AZIN2: variants seen among roughly 807,000 people sequenced by gnomAD.
AZIN2 encodes ODC antizyme inhibitor-2.
Under a neutral mutation model 47.8 loss-of-function variants are expected in AZIN2, and 28 were observed. The observed-to-expected ratio is 0.59, with a 90% CI of 0.43 to 0.80. The LOEUF (loss-of-function observed/expected upper bound fraction) is 0.80, where lower values mean the gene tolerates loss of function less well. Among genes scored for constraint, AZIN2 ranks in the 30% least tolerant of loss-of-function variants. The pLI, the probability that AZIN2 is intolerant of heterozygous loss-of-function variation, is 0.00. For missense variants in AZIN2, 535 were observed against 582.5 expected, an observed-to-expected ratio of 0.92 and a Z score of 0.84; for synonymous variants, 221 against 239.4, an observed-to-expected ratio of 0.92 and a Z score of 0.71.
chr1:33,095,252 C>A (rs1311672711), intron 8 of AZIN2, among the ~76,000 whole-genome samples: 1 of 152,196 alleles, frequency 6.6e-6, no homozygotes, highest in Non-Finnish European at 1.5e-5. Context: ...ATTGACCTTA[C>A]AGAAATGATT....
the AZIN2 span, chr1:33,147,850 C>T: frequency 3.6e-6 from 4 of 1,099,290 alleles, no homozygotes; most frequent in Non-Finnish European, 5.1e-6. The surrounding 1 kb of genome is among the most constrained non-coding windows in gnomAD (Gnocchi z 8.1). Context: ...GCTGTGTGAC[C>T]TTGAATACAA....
intron 5 of AZIN2, among the ~76,000 whole-genome samples, chr1:33,090,602 A>G (rs1642423679): frequency 6.6e-6 from 1 of 152,178 alleles, no homozygotes; most frequent in Non-Finnish European, 1.5e-5. Context: ...AAAATTGTAT[A>G]TATTTATGGT....
chr1:33,158,077 T>C, the AZIN2 span, among the ~76,000 whole-genome samples: 1 of 152,134 alleles, frequency 6.6e-6, no homozygotes, highest in South Asian at 2.1e-4. Context: ...GTTATGAAGG[T>C]CCACTGAGCT....
At chr1:33,090,633 A>T (rs1057006643) in intron 5 of AZIN2, among the ~76,000 whole-genome samples, 13 of 152,220 alleles carry the variant, frequency 8.5e-5, no homozygotes, top group African/African-American at 3.1e-4. Flanking sequence ...ATGTTTTGAT[A>T]TATGTATACG....
the AZIN2 span, chr1:33,147,089 T>A: frequency 1.4e-5 from 21 of 1,465,128 alleles, no homozygotes; most frequent in Non-Finnish European, 1.9e-5. The surrounding 1 kb of genome is among the most constrained non-coding windows in gnomAD (Gnocchi z 8.1). Context: ...GTGGCCACGG[T>A]GGGCTGGAGT....
At chr1:33,144,803 C>T in the AZIN2 span, among the ~76,000 whole-genome samples, 1 of 152,074 alleles carries the variant, frequency 6.6e-6, no homozygotes. Flanking sequence ...CCCGTCACAG[C>T]CCATAAGGAG....
At chr1:33,084,190 T>A in intron 5 of AZIN2, 63 bp downstream of exon 5, 1 of 1,586,802 alleles carries the variant, frequency 6.3e-7, no homozygotes, top group South Asian at 1.1e-5. Context: ...ATGGCCAGGC[T>A]AGTCCAGGTG....
At chr1:33,091,982 T>C in intron 5 of AZIN2, 68 bp from the exon 6 acceptor site, 2 of 1,558,274 alleles carry the variant, frequency 1.3e-6, no homozygotes, top group Non-Finnish European at 1.7e-6. Flanking sequence ...CCCTCATCTG[T>C]GCTTCCTTGG....
At chr1:33,116,442 A>G (rs1008082511) in intron 10 of AZIN2, among the ~76,000 whole-genome samples, 2 of 152,022 alleles carry the variant, frequency 1.3e-5, no homozygotes, top group East Asian at 1.9e-4. Context: ...GCTTCCATCT[A>G]TGCCCTTTGG....
the AZIN2 span, among the ~76,000 whole-genome samples, chr1:33,134,543 T>C: frequency 1.3e-5 from 2 of 152,240 alleles, no homozygotes; most frequent in East Asian, 3.9e-4. Context: ...AAGACAGAGC[T>C]AGGACCACCA....
the AZIN2 span, among the ~76,000 whole-genome samples, chr1:33,137,453 A>G: frequency 6.6e-6 from 1 of 152,232 alleles, no homozygotes; most frequent in African/African-American, 2.4e-5. Context: ...TCAACTAATC[A>G]TGAGGCGTAC....
the AZIN2 span, among the ~76,000 whole-genome samples, chr1:33,143,744 A>C: frequency 2.0e-5 from 3 of 152,226 alleles, no homozygotes; most frequent in Admixed American, 6.5e-5. Context: ...ATGACTTAAC[A>C]GAAAGCCAAC....
chr1:33,120,172 G>C lies in AZIN2; in HGVS notation c.1373G>C (p.Ser458Thr), dbSNP rs776120316. ...GTGGGCCCTGTCTTCACCCCAGCGA[G>C]CATCATGTGAGTGGGCCTCGTTCCC... ...LCVGPVFTPASIM is the reference protein window; with the variant it reads ...LCVGPVFTPATIM The change falls in exon 12 of 12, where the codon AGC (serine) becomes ACC (threonine). Residue 458 changes from serine (S) to threonine (T), a missense_variant. By Grantham distance (58) the Ser-to-Thr change is moderately conservative. Transcript: ENST00000294517. The C allele has an allele frequency of 2.7e-5, 44 of 1,605,736 alleles. No homozygotes were observed. Among genetic ancestry groups the C allele is most frequent in the Non-Finnish European group, 3.3e-5 (39 of 1,173,460 alleles).
intron 5 of AZIN2, among the ~76,000 whole-genome samples, chr1:33,085,103 G>T (rs1641738275): frequency 1.3e-5 from 2 of 151,954 alleles, no homozygotes; most frequent in Admixed American, 6.6e-5. Context: ...AGAGCTGAAA[G>T]TATCTCATTT....
At chr1:33,159,731 C>G in the AZIN2 span, 6 of 1,612,102 alleles carry the variant, frequency 3.7e-6, no homozygotes, top group Non-Finnish European at 5.1e-6. The surrounding 1 kb of genome is among the most constrained non-coding windows in gnomAD (Gnocchi z 4.2). Context: ...GTGTGCCGGT[C>G]GGTTTCAGCC....
the AZIN2 span, among the ~76,000 whole-genome samples, chr1:33,138,640 A>AG: frequency 6.7e-3 from 996 of 149,494 alleles, 10 homozygotes; most frequent in African/African-American, 0.02. Context: ...AAAAAAAAAA[A>AG]AAAAAGAAAA....
chr1:33,145,780 C>T, the AZIN2 span: 1 of 452,472 alleles, frequency 2.2e-6, no homozygotes, highest in Non-Finnish European at 4.6e-6. Context: ...TGGACTCCAC[C>T]CTCTCCCGAG....
intron 4 of AZIN2, chr1:33,083,727 T>G: frequency 3.5e-6 from 2 of 572,954 alleles, no homozygotes; most frequent in Non-Finnish European, 3.1e-6. Context: ...ACAGCTGGAG[T>G]TTTAGCCGCA....
chr1:33,128,461 T>C (rs1013594359), downstream of AZIN2, among the ~76,000 whole-genome samples: 1 of 152,220 alleles, frequency 6.6e-6, no homozygotes, highest in African/African-American at 2.4e-5. Flanking sequence ...TAAGTTATTT[T>C]CATTTACAAA....
Sources: gnomAD v4.1 joint callset for allele counts (sites outside exome capture counted in the v4.1 genomes callset) on GRCh38, gnomAD v4.1.1 for gene constraint, Gnocchi (gnomAD v3.1) non-coding constraint, MANE v1.5 for transcripts, NCBI Gene and HGNC (gene_info 2026-07-23, HGNC 2026-07-21) for gene names.